LRRC7: variants seen among roughly 807,000 people sequenced by gnomAD.
LRRC7 encodes leucine rich repeat containing 7.
Under a neutral mutation model 175.7 loss-of-function variants are expected in LRRC7, and 23 were observed. That is an observed-to-expected ratio of 0.13 (90% confidence interval 0.09 to 0.19). The LOEUF (loss-of-function observed/expected upper bound fraction) is 0.19. Among genes scored for constraint, LRRC7 ranks in the 10% least tolerant of loss-of-function variants. The pLI is 1.00. For missense variants in LRRC7, 1,354 were observed against 1,904.7 expected (o/e 0.71, Z 5.38); for synonymous variants, 685 against 680.9 (o/e 1.01, Z -0.09).
At chr1:69,762,832 C>A (rs1671181719) in intron 3 of LRRC7, among the ~76,000 whole-genome samples, 1 of 151,930 alleles carries the variant, frequency 6.6e-6, no homozygotes, top group Non-Finnish European at 1.5e-5. Context: ...ATATATTTTA[C>A]CAGTGCATTA....
intron 24 of LRRC7, among the ~76,000 whole-genome samples, chr1:70,087,374 T>C (rs1663691755): frequency 6.6e-6 from 1 of 152,166 alleles, no homozygotes; most frequent in Non-Finnish European, 1.5e-5. Flanking sequence ...ATATGAAATG[T>C]TCACATTAGA....
intron 1 of LRRC7, among the ~76,000 whole-genome samples, chr1:69,623,170 C>G (rs1048095256): frequency 1.3e-5 from 2 of 152,128 alleles, no homozygotes; most frequent in African/African-American, 4.8e-5. Flanking sequence ...ATTGACATTC[C>G]TTCAGGGAAA....
chr1:69,972,248 G>T (rs1652313968), intron 8 of LRRC7, among the ~76,000 whole-genome samples: 1 of 152,162 alleles, frequency 6.6e-6, no homozygotes. Context: ...AAAAGCAAAT[G>T]CAATAAAAAC....
chr1:70,113,529 A>G (rs1665653320), intron 26 of LRRC7, among the ~76,000 whole-genome samples: 1 of 152,214 alleles, frequency 6.6e-6, no homozygotes, highest in Admixed American at 6.5e-5. Flanking sequence ...CTCTGCAGTA[A>G]GAGAGAAACT....
intron 11 of LRRC7, among the ~76,000 whole-genome samples, chr1:70,000,823 GC>G (rs775095533): frequency 6.6e-6 from 1 of 152,142 alleles, no homozygotes; most frequent in African/African-American, 2.4e-5. Flanking sequence ...CCTGGGTTCT[GC>G]CCTTGTCACA....
intron 8 of LRRC7, among the ~76,000 whole-genome samples, chr1:69,959,922 C>T (rs754542479): frequency 1.4e-4 from 22 of 152,056 alleles, no homozygotes; most frequent in African/African-American, 2.9e-4. Context: ...CATTGATATT[C>T]GTCAAGGATA....
intron 7 of LRRC7, among the ~76,000 whole-genome samples, chr1:69,902,890 T>C (rs1646177796): frequency 6.6e-6 from 1 of 152,218 alleles, no homozygotes; most frequent in Non-Finnish European, 1.5e-5. Flanking sequence ...CTTCGTGTCT[T>C]TTACAGTTCT....
chr1:69,864,419 C>T (rs1570398315), intron 7 of LRRC7, among the ~76,000 whole-genome samples: 1 of 152,286 alleles, frequency 6.6e-6, no homozygotes, highest in African/African-American at 2.4e-5. Context: ...TTCAACAACA[C>T]AGCTTCAAAC....
At chr1:69,657,997 A>G (rs758630523) in intron 1 of LRRC7, among the ~76,000 whole-genome samples, 56 of 151,858 alleles carry the variant, frequency 3.7e-4, no homozygotes, top group Non-Finnish European at 6.2e-4. Context: ...GCTGTTTTTC[A>G]ATTCATCATT....
chr1:70,119,696 G>A (rs1003926963), intron 26 of LRRC7, among the ~76,000 whole-genome samples: 3 of 151,996 alleles, frequency 2.0e-5, no homozygotes, highest in African/African-American at 7.2e-5. Flanking sequence ...GTATGATGAT[G>A]AACAACATAC....
At chr1:70,113,245 C>T (rs1351940732) in intron 26 of LRRC7, among the ~76,000 whole-genome samples, 3 of 152,158 alleles carry the variant, frequency 2.0e-5, no homozygotes, top group Non-Finnish European at 4.4e-5. Context: ...GTGTGATCAG[C>T]TTGCTGAGAG....
intron 2 of LRRC7, 47 bp from the exon 3 acceptor site, chr1:69,760,144 G>A (rs1459901467): frequency 1.3e-6 from 2 of 1,586,948 alleles, no homozygotes; most frequent in Non-Finnish European, 1.7e-6. Context: ...CCTTCCAAGG[G>A]CACTGGATAA....
intron 1 of LRRC7, among the ~76,000 whole-genome samples, chr1:69,635,843 T>C (rs1328541357): frequency 6.6e-6 from 1 of 151,918 alleles, no homozygotes; most frequent in African/African-American, 2.4e-5. Flanking sequence ...TTTAAAAAAA[T>C]AGTATGTCAA....
chr1:69,710,329 C>A (rs564871107), intron 2 of LRRC7, among the ~76,000 whole-genome samples: 1 of 149,820 alleles, frequency 6.7e-6, no homozygotes, highest in African/African-American at 2.5e-5. Context: ...AGACAGGTTA[C>A]CCAGAGCAGA....
chr1:69,964,596 A>T (rs1467922365), intron 8 of LRRC7, among the ~76,000 whole-genome samples: 5 of 152,194 alleles, frequency 3.3e-5, no homozygotes, highest in Non-Finnish European at 4.4e-5. Context: ...CTAGGATCTT[A>T]TATGTTCATT....
intron 8 of LRRC7, among the ~76,000 whole-genome samples, chr1:69,951,295 C>G (rs902169000): frequency 2.0e-5 from 3 of 151,938 alleles, no homozygotes; most frequent in South Asian, 4.2e-4. Flanking sequence ...TAACAAGATA[C>G]TGGCGAAGTT....
At chr1:69,770,056 G>C (rs999402857) in intron 3 of LRRC7, among the ~76,000 whole-genome samples, 2 of 152,144 alleles carry the variant, frequency 1.3e-5, no homozygotes, top group Non-Finnish European at 2.9e-5. Context: ...AACAGTGATG[G>C]TCTGGGCCAC....
intron 11 of LRRC7, among the ~76,000 whole-genome samples, chr1:70,007,245 C>T (rs1197287339): frequency 6.6e-6 from 1 of 152,138 alleles, no homozygotes; most frequent in Non-Finnish European, 1.5e-5. Flanking sequence ...TCCAGAAAGA[C>T]GCTTATCACT....
At chr1:69,596,995 A>C (rs148627476) in intron 1 of LRRC7, among the ~76,000 whole-genome samples, 66 of 152,302 alleles carry the variant, frequency 4.3e-4, no homozygotes, top group East Asian at 2.9e-3. Flanking sequence ...TTCAGATATT[A>C]ATTCAAATTT....
Sources: gnomAD v4.1 joint callset for allele counts (sites outside exome capture counted in the v4.1 genomes callset) on GRCh38, gnomAD v4.1.1 for gene constraint, MANE v1.5 for transcripts, NCBI Gene and HGNC (gene_info 2026-07-23, HGNC 2026-07-21) for gene names.